The following DIS3L2 variants were observed in gnomAD, a reference collection of about 807,000 sequenced individuals.
DIS3L2 encodes the protein DIS3 like 3'-5' exoribonuclease 2.
A neutral mutation model predicts 97.5 loss-of-function variants in DIS3L2; 34 were observed. The ratio of observed to expected loss-of-function variants is 0.35; its 90% CI spans 0.27 to 0.46. The LOEUF is 0.46. Among genes scored for constraint, DIS3L2 ranks in the 20% least tolerant of loss-of-function variants. The probability of loss-of-function intolerance (pLI) is 1.00; values close to 1 mark genes in which losing one functional copy is unlikely to be tolerated. For synonymous variants in DIS3L2, 435 were observed against 445.2 expected, an observed-to-expected ratio of 0.98 and a Z score of 0.29; for missense variants, 1,038 against 1,146.0, an observed-to-expected ratio of 0.91 and a Z score of 1.36.
chr2:232,159,144 G>A (rs1690580021), intron 8 of DIS3L2, among the ~76,000 whole-genome samples: 1 of 152,172 alleles, frequency 6.6e-6, no homozygotes, highest in Non-Finnish European at 1.5e-5. Context: ...TTTATTGGGA[G>A]GATACTGAAG....
intron 6 of DIS3L2, among the ~76,000 whole-genome samples, chr2:232,118,459 T>G (rs1697793431): frequency 6.6e-6 from 1 of 152,234 alleles, no homozygotes; most frequent in South Asian, 2.1e-4. Flanking sequence ...TTTTCCAGTT[T>G]ACAATTCATG....
intron 6 of DIS3L2, among the ~76,000 whole-genome samples, chr2:232,116,467 C>G (rs1697715832): frequency 6.6e-6 from 1 of 152,196 alleles, no homozygotes. Context: ...CCTACAAGTT[C>G]ATCCTACTGT....
intron 10 of DIS3L2, among the ~76,000 whole-genome samples, chr2:232,217,631 G>C (rs888996495): frequency 1.3e-5 from 2 of 152,200 alleles, no homozygotes; most frequent in African/African-American, 4.8e-5. Context: ...AAATTTGCTA[G>C]AGTGGCTCAC....
At chr2:232,020,036 A>G (rs537122811) in intron 3 of DIS3L2, among the ~76,000 whole-genome samples, 4 of 152,070 alleles carry the variant, frequency 2.6e-5, no homozygotes, top group African/African-American at 7.2e-5. Flanking sequence ...CTCAGCTAGT[A>G]GAACAGCAGC....
intron 6 of DIS3L2, among the ~76,000 whole-genome samples, chr2:232,113,372 C>A (rs1374552670): frequency 6.6e-6 from 1 of 152,150 alleles, no homozygotes; most frequent in Middle Eastern, 3.2e-3. Context: ...GTATGCTGTT[C>A]CCTTATGCGG....
At chr2:232,092,261 T>A (rs1696866016) in intron 6 of DIS3L2, among the ~76,000 whole-genome samples, 2 of 152,186 alleles carry the variant, frequency 1.3e-5, no homozygotes, top group Admixed American at 1.3e-4. Flanking sequence ...TCTGTTCCAC[T>A]GGTCTGTGTA....
intron 12 of DIS3L2, among the ~76,000 whole-genome samples, chr2:232,255,734 C>T (rs2853360): frequency 0.083 from 12,591 of 152,178 alleles, 615 homozygotes; most frequent in Middle Eastern, 0.15. Flanking sequence ...CCTCAGTTTG[C>T]GTCTCCTGTG....
At chr2:232,183,091 A>G (rs561799208) in intron 9 of DIS3L2, among the ~76,000 whole-genome samples, 16 of 152,340 alleles carry the variant, frequency 1.1e-4, no homozygotes, top group African/African-American at 3.8e-4. Context: ...AGCATGAGAA[A>G]GAAACCTCAC....
At chr2:232,239,660 C>T (rs1168969419) in intron 11 of DIS3L2, among the ~76,000 whole-genome samples, 3 of 152,208 alleles carry the variant, frequency 2.0e-5, no homozygotes, top group Non-Finnish European at 4.4e-5. Flanking sequence ...GCCCTAAGGT[C>T]AGAGGAATAT....
intron 6 of DIS3L2, among the ~76,000 whole-genome samples, chr2:232,108,013 C>T (rs1697403837): frequency 6.6e-6 from 1 of 152,058 alleles, no homozygotes. Flanking sequence ...AAAAGGGGAC[C>T]CCTCCCTAAC....
At chr2:232,342,956 G>A (rs992281880) in intron 13 of DIS3L2, among the ~76,000 whole-genome samples, 2 of 148,684 alleles carry the variant, frequency 1.3e-5, no homozygotes, top group African/African-American at 4.9e-5. Context: ...TTCATGGGTC[G>A]AAATCACAGA....
chr2:232,301,835 CTTTTTTTTTTT>C (rs557282669), intron 14 of DIS3L2, among the ~76,000 whole-genome samples: 2 of 105,474 alleles, frequency 1.9e-5, no homozygotes, highest in African/African-American at 3.7e-5. Flanking sequence ...TAGCCTAGCT[CTTTTTTTTTTT>C]TTTTTTTTTT....
At chr2:232,122,931 A>T (rs985474058) in intron 6 of DIS3L2, among the ~76,000 whole-genome samples, 5 of 152,212 alleles carry the variant, frequency 3.3e-5, no homozygotes, top group Non-Finnish European at 7.3e-5. Context: ...CATAGGATCT[A>T]GGTTTGAATT....
chr2:232,208,954 AG>A (rs1340406529), intron 9 of DIS3L2, among the ~76,000 whole-genome samples: 1 of 152,054 alleles, frequency 6.6e-6, no homozygotes, highest in African/African-American at 2.4e-5. Context: ...TTTGAGCTCA[AG>A]AGGTTGAGGC....
In DIS3L2 at chr2:231,995,024, C is replaced by T. The variant is rs555660112; in HGVS notation, c.-93-19811C>T. 1.8e-3 allele frequency among the ~76,000 whole-genome samples: 279 copies of T among 152,104 alleles called. 2 individuals are homozygous for T. In the Middle Eastern group the frequency reaches 0.021, roughly 11 times the overall value. ...CTCACTATTTTGCCCAGGCTGGTCT[C>T]GAACTCCTGAGCTCAAGTGTTTTGC... On this transcript the variant is annotated intron_variant, in intron 1 of 20. Transcript: ENST00000325385.
At chr2:231,976,152 C>T (rs185876550) in intron 1 of DIS3L2, among the ~76,000 whole-genome samples, 7 of 152,154 alleles carry the variant, frequency 4.6e-5, no homozygotes, top group Non-Finnish European at 8.8e-5. Flanking sequence ...TGCATAGTGG[C>T]GAAGTGTTGG....
chr2:232,288,748 A>G (rs1038163359), intron 13 of DIS3L2, among the ~76,000 whole-genome samples: 4 of 152,152 alleles, frequency 2.6e-5, no homozygotes, highest in African/African-American at 9.7e-5. Flanking sequence ...CTGAATGCCT[A>G]CCATTATGGT....
At chr2:232,291,995 C>T (rs957058259) in intron 13 of DIS3L2, among the ~76,000 whole-genome samples, 6 of 152,144 alleles carry the variant, frequency 3.9e-5, no homozygotes, top group South Asian at 2.1e-4. Flanking sequence ...CCTTGCATGA[C>T]GTTCTCCAAG....
In DIS3L2 at chr2:232,329,902, A is replaced by AC. The variant is rs1316690885; in HGVS notation, c.1835dup (p.Pro613AlafsTer8). The AC allele has an allele frequency of 1.2e-6, 2 of 1,610,306 alleles. No homozygotes were observed. The highest frequency in any genetic ancestry group is 8.5e-7 in the Non-Finnish European group (1 of 1,178,880). On this transcript the variant is annotated frameshift_variant, in exon 15 of 21. Coordinates refer to ENST00000325385, the MANE Select transcript of DIS3L2 (RefSeq NM_152383.5). LOFTEE classifies it high-confidence loss of function. ...CCCGAGCAGGCCCTGCTGCGCCGGC[A>AC]CCCCCCGCCCCAAACAAGGATGCTC...
Sources: allele counts gnomAD v4.1 joint callset (sites outside exome capture counted in the v4.1 genomes callset), GRCh38; gene constraint gnomAD v4.1.1; transcripts MANE v1.5; gene names NCBI Gene and HGNC (gene_info 2026-07-23, HGNC 2026-07-21).